Variants in SV2B observed in about 807,000 individuals in gnomAD.
SV2B encodes solute carrier family 22 member B2.
SV2B carries 41 observed loss-of-function variants against 73.9 expected under a neutral mutation model. The ratio of observed to expected loss-of-function variants is 0.56; its 90% CI spans 0.43 to 0.72. SV2B has a LOEUF of 0.72. Ranked by LOEUF, SV2B falls within the 30% of genes least tolerant of loss-of-function variation. The pLI is 0.00. For missense variants in SV2B, 764 were observed against 857.8 expected (o/e 0.89, Z 1.37); for synonymous variants, 314 against 314.2 (o/e 1.00, Z 0.01).
chr15:91,274,438 A>G (rs556850264), intron 9 of SV2B, among the ~76,000 whole-genome samples: 4 of 152,334 alleles, frequency 2.6e-5, no homozygotes, highest in Admixed American at 6.5e-5. Flanking sequence ...TAACCAAGTG[A>G]GCCTGCCATC....
At chr15:91,272,979 C>A (rs187554815) in intron 9 of SV2B, among the ~76,000 whole-genome samples, 1 of 151,836 alleles carries the variant, frequency 6.6e-6, no homozygotes, top group African/African-American at 2.4e-5. Flanking sequence ...ATTACAGGCG[C>A]GTGCCACCAT....
chr15:91,145,265 G>T (rs1482309924), intron 1 of SV2B, among the ~76,000 whole-genome samples: 1 of 152,108 alleles, frequency 6.6e-6, no homozygotes, highest in East Asian at 1.9e-4. Context: ...TCCTGCATTA[G>T]TTTGCTAAGG....
At chr15:91,107,122 C>T (rs1323041761) in intron 1 of SV2B, among the ~76,000 whole-genome samples, 2 of 151,588 alleles carry the variant, frequency 1.3e-5, no homozygotes, top group East Asian at 3.9e-4. Context: ...GAGAATGTGC[C>T]AGTGGCGGAG....
At chr15:91,175,495 C>G (rs1274662677) in intron 1 of SV2B, among the ~76,000 whole-genome samples, 3 of 151,988 alleles carry the variant, frequency 2.0e-5, no homozygotes, top group African/African-American at 7.3e-5. Context: ...ACCTCGTGAT[C>G]CGCCAGCCTC....
At chr15:91,164,947 A>G (rs776122445) in intron 1 of SV2B, among the ~76,000 whole-genome samples, 1 of 152,204 alleles carries the variant, frequency 6.6e-6, no homozygotes, top group African/African-American at 2.4e-5. Context: ...TAAACATTAC[A>G]AAATTATGGG....
intron 1 of SV2B, among the ~76,000 whole-genome samples, chr15:91,189,727 G>T (rs903973751): frequency 6.6e-6 from 1 of 152,186 alleles, no homozygotes; most frequent in African/African-American, 2.4e-5. Context: ...GGTGGCTCAC[G>T]CCTGTAATCC....
chr15:91,112,248 G>A (rs1461725206), intron 1 of SV2B, among the ~76,000 whole-genome samples: 2 of 152,164 alleles, frequency 1.3e-5, no homozygotes, highest in Admixed American at 6.5e-5. Context: ...ATGTGCCAAG[G>A]AGGAAGAAGC....
Position 91,239,376 on chromosome 15 carries a change from G to A in SV2B, c.452-12443G>A, listed in dbSNP as rs545231666. Among the ~76,000 whole-genome samples the A allele has an allele frequency of 3.9e-5, 6 of 152,074 alleles. No homozygotes were observed. Among genetic ancestry groups the A allele is most frequent in the South Asian group, 4.2e-4 (2 of 4,790 alleles). ...TCCTAGAAAAGGAAGTCTTGTGCTC[G>A]AAAGGAGACATGGTAACAGATTATA... On this transcript the variant is annotated intron_variant, in intron 2 of 12. Transcript: ENST00000394232. The surrounding 1 kb of genome is among the most constrained non-coding windows in gnomAD (Gnocchi z 5.1).
chr15:91,111,711 T>G lies in SV2B; in HGVS notation c.-392+11348T>G, dbSNP rs375034405. On this transcript the variant is annotated intron_variant, in intron 1 of 12. Coordinates refer to ENST00000394232, the MANE Select transcript of SV2B (RefSeq NM_001323032.3). ...CATTGCTATAAAGAAATACCTGAGA[T>G]TGGGTAATTTATAAGAAAAGAGTTT... is the stretch of plus-strand genomic sequence containing the variant. Among the ~76,000 whole-genome samples, 5 of 152,186 alleles carry G rather than the reference T, an allele frequency of 3.3e-5. No individual in the cohort carries two copies. In the East Asian group the frequency reaches 5.8e-4, roughly 18 times the overall value.
intron 1 of SV2B, among the ~76,000 whole-genome samples, chr15:91,168,316 G>C (rs887884523): frequency 6.6e-6 from 1 of 151,800 alleles, no homozygotes; most frequent in African/African-American, 2.4e-5. Flanking sequence ...GAGAGAGAGA[G>C]AGAGAGAGAG....
chr15:91,196,855 G>C (rs1393224758), intron 1 of SV2B, among the ~76,000 whole-genome samples: 1 of 152,190 alleles, frequency 6.6e-6, no homozygotes, highest in Non-Finnish European at 1.5e-5. Context: ...TGAGCCTAAA[G>C]GGGAGGGCTG....
chr15:91,119,494 G>T (rs1355231133), intron 1 of SV2B, among the ~76,000 whole-genome samples: 1 of 152,186 alleles, frequency 6.6e-6, no homozygotes, highest in African/African-American at 2.4e-5. Context: ...CATGGATTTG[G>T]AAATTACCCA....
In SV2B at chr15:91,283,442, T is replaced by C. The variant is rs989801666; in HGVS notation, c.1508-579T>C. On this transcript the variant is annotated intron_variant, in intron 10 of 12. Transcript: ENST00000394232. This position sits in a 1 kb window ranked among gnomAD's most constrained non-coding sequence, Gnocchi z 4.3. ...CTGTTATCCAGCTGGAGAGATGATT[T>C]TTTTTTTTTTAAAGGCAAGGTCTCC... Among the ~76,000 whole-genome samples the C allele has an allele frequency of 7.3e-5, 11 of 151,580 alleles. No homozygotes were observed. Among genetic ancestry groups the C allele is most frequent in the African/African-American group, 2.7e-4 (11 of 41,166 alleles).
At chr15:91,218,105 A>G (rs538379551) in intron 1 of SV2B, among the ~76,000 whole-genome samples, 2 of 152,348 alleles carry the variant, frequency 1.3e-5, no homozygotes, top group East Asian at 1.9e-4. Context: ...TTTATTTAAT[A>G]TAAGTTTTAT....
At chr15:91,189,209 C>T (rs111667945) in intron 1 of SV2B, among the ~76,000 whole-genome samples, 562 of 152,006 alleles carry the variant, frequency 3.7e-3, no homozygotes, top group Middle Eastern at 0.01. Context: ...TTGTTCATGG[C>T]ACACTGTCAT....
At chr15:91,259,746 G>T (rs113401323) in intron 5 of SV2B, among the ~76,000 whole-genome samples, 1 of 152,050 alleles carries the variant, frequency 6.6e-6, no homozygotes, top group Non-Finnish European at 1.5e-5. Flanking sequence ...GGCCTTCATC[G>T]TCACATGGTG....
chr15:91,211,006 T>C (rs11853803), intron 1 of SV2B, among the ~76,000 whole-genome samples: 41,287 of 152,156 alleles, frequency 0.27, 9,745 homozygotes, highest in African/African-American at 0.64. Flanking sequence ...CTGCCATTGA[T>C]GAAGACAGTG....
At chr15:91,206,672 C>T (rs1054046605) in intron 1 of SV2B, among the ~76,000 whole-genome samples, 2 of 151,972 alleles carry the variant, frequency 1.3e-5, no homozygotes, top group Non-Finnish European at 2.9e-5. Flanking sequence ...GGGTGGGTGT[C>T]CATTAAAAGG....
chr15:91,269,362 C>T (rs1413631605), intron 9 of SV2B, among the ~76,000 whole-genome samples: 3 of 152,184 alleles, frequency 2.0e-5, no homozygotes, highest in Non-Finnish European at 4.4e-5. Context: ...CTGCTGTGTC[C>T]CTTCCTGAAC....
Sources: gnomAD v4.1 joint callset for allele counts (sites outside exome capture counted in the v4.1 genomes callset) on GRCh38, gnomAD v4.1.1 for gene constraint, Gnocchi (gnomAD v3.1) non-coding constraint, MANE v1.5 for transcripts, NCBI Gene and HGNC (gene_info 2026-07-23, HGNC 2026-07-21) for gene names.